VPS13B: variants seen among roughly 807,000 people sequenced by gnomAD.
The protein encoded by VPS13B is vacuolar protein sorting 13 homolog B, also known as intermembrane lipid transfer protein VPS13B.
In VPS13B, 285 loss-of-function variants were observed where a neutral mutation model predicts 426.4. The observed-to-expected ratio is 0.67, with a 90% CI of 0.61 to 0.74. The LOEUF is 0.74. Ranked by LOEUF, VPS13B falls within the 30% of genes least tolerant of loss-of-function variation. The pLI is 0.00. For synonymous variants in VPS13B, 1,676 were observed against 1,676.4 expected (o/e 1.00, Z 0.01); for missense variants, 4,537 against 4,782.6 (o/e 0.95, Z 1.51).
At chr8:99,361,348 T>G (rs1588292258) in intron 19 of VPS13B, among the ~76,000 whole-genome samples, 1 of 152,202 alleles carries the variant, frequency 6.6e-6, no homozygotes, top group South Asian at 2.1e-4. Context: ...ACCAGATAAT[T>G]TTTTAGGCTT....
intron 39 of VPS13B, among the ~76,000 whole-genome samples, chr8:99,759,156 A>G (rs938442350): frequency 7.9e-5 from 12 of 152,118 alleles, no homozygotes; most frequent in African/African-American, 2.7e-4. Flanking sequence ...TACCCAGCCA[A>G]AACCCTACGT....
intron 3 of VPS13B, among the ~76,000 whole-genome samples, chr8:99,052,644 G>A (rs1173339060): frequency 1.3e-5 from 2 of 150,248 alleles, no homozygotes; most frequent in African/African-American, 4.9e-5. Context: ...GAATTCGGCC[G>A]TGAATCCATC....
chr8:99,429,906 A>G (rs988837020), intron 21 of VPS13B, among the ~76,000 whole-genome samples: 113 of 152,298 alleles, frequency 7.4e-4, no homozygotes, highest in African/African-American at 2.6e-3. Flanking sequence ...TGAGCCCTGT[A>G]TGACCTGGTC....
At chr8:99,319,139 A>G (rs1386753942) in intron 19 of VPS13B, among the ~76,000 whole-genome samples, 3 of 152,322 alleles carry the variant, frequency 2.0e-5, no homozygotes, top group East Asian at 3.9e-4. Context: ...TATTTAGAGC[A>G]TAACTAGATT....
At chr8:99,821,680 T>C (rs1263691023) in intron 50 of VPS13B, among the ~76,000 whole-genome samples, 198 bp downstream of exon 50, 1 of 152,230 alleles carries the variant, frequency 6.6e-6, no homozygotes, top group Non-Finnish European at 1.5e-5. Flanking sequence ...ATAAAAGCTG[T>C]GTCACATAAT....
chr8:99,641,527 A>C (rs1829358724), intron 33 of VPS13B, among the ~76,000 whole-genome samples: 1 of 152,166 alleles, frequency 6.6e-6, no homozygotes, highest in South Asian at 2.1e-4. Context: ...GATATATGCT[A>C]TTCTGTATTA....
chr8:99,642,130 A>G lies in VPS13B; in HGVS notation c.5540A>G (p.Lys1847Arg). ...CAGAAGAATAATGAAAAAACAGACA[A>G]GAGTTCATTAAATCTCCCAGAAGTT... ...QEQKNNEKTD[K>R]SSLNLPEVDS... The change falls in exon 34 of 62, where the codon AAG becomes AGG. Residue 1847 changes from lysine to arginine, a missense_variant. This residue lies in a region of VPS13B where 4,311 missense variants were observed against 4,474.3 expected (regional missense o/e 0.96). Transcript: ENST00000357162. 6.2e-7 allele frequency: 1 copy of G among 1,614,192 alleles called. No homozygotes were observed. The highest frequency in any genetic ancestry group is 8.5e-7 in the Non-Finnish European group (1 of 1,180,018).
chr8:99,256,616 C>G (rs750749880), intron 17 of VPS13B, among the ~76,000 whole-genome samples: 2 of 151,900 alleles, frequency 1.3e-5, no homozygotes, highest in Non-Finnish European at 2.9e-5. Flanking sequence ...ATCTCTTTGT[C>G]GTTTTGATTT....
Position 99,861,830 on chromosome 8 carries a change from G to A in VPS13B, c.11099G>A (p.Arg3700Gln), listed in dbSNP as rs750753561. 61 of 1,598,798 alleles carry A rather than the reference G, an allele frequency of 3.8e-5. No individual in the cohort carries two copies. Among genetic ancestry groups the A allele is most frequent in the Non-Finnish European group, 4.8e-5 (56 of 1,173,164 alleles). Residue 3700 changes from arginine to glutamine, a missense_variant, in exon 58 of 62, where the codon CGG (arginine) becomes CAG (glutamine). Arg to Gln is a conservative substitution (Grantham distance 43, BLOSUM62 1). This residue lies in a region of VPS13B where 4,311 missense variants were observed against 4,474.3 expected (regional missense o/e 0.96). Transcript: ENST00000357162. ...LATSLARNMDRLSLDEEHYNR... is the reference protein window; with the variant it reads ...LATSLARNMDQLSLDEEHYNR... ...ACAAGCCTGGCCCGGAACATGGACC[G>A]GCTCTCACTGGATGAGGAGCACTAC...
intron 34 of VPS13B, among the ~76,000 whole-genome samples, chr8:99,647,630 A>T (rs1829641470): frequency 6.6e-6 from 1 of 151,926 alleles, no homozygotes; most frequent in Non-Finnish European, 1.5e-5. Flanking sequence ...CATAGTTCTT[A>T]TGTAACTATA....
chr8:99,301,104 A>T, intron 19 of VPS13B, among the ~76,000 whole-genome samples: 1 of 151,882 alleles, frequency 6.6e-6, no homozygotes, highest in Non-Finnish European at 1.5e-5. Flanking sequence ...AGTCCCAGCT[A>T]CTTGGAAGGC....
At chr8:99,655,211 T>G (rs1008842025) in intron 34 of VPS13B, among the ~76,000 whole-genome samples, 11 of 152,182 alleles carry the variant, frequency 7.2e-5, no homozygotes, top group African/African-American at 2.7e-4. Context: ...GATACAACAC[T>G]GAATACATAA....
chr8:99,849,030 A>G (rs747048453), intron 55 of VPS13B, 136 bp downstream of exon 55: 3 of 859,812 alleles, frequency 3.5e-6, no homozygotes, highest in Non-Finnish European at 3.8e-6. Flanking sequence ...CATAAAAAAT[A>G]TGGTTATTAG....
At chr8:99,094,870 G>T (rs539273209) in intron 3 of VPS13B, among the ~76,000 whole-genome samples, 19 of 151,968 alleles carry the variant, frequency 1.3e-4, no homozygotes, top group Non-Finnish European at 2.1e-4. Context: ...ATGAATTCAT[G>T]GTGCGCAATG....
At chr8:99,494,051 C>T (rs1380797842) in intron 25 of VPS13B, among the ~76,000 whole-genome samples, 1 of 151,960 alleles carries the variant, frequency 6.6e-6, no homozygotes, top group African/African-American at 2.4e-5. Context: ...AACTAATGAA[C>T]ATATAGATGC....
intron 17 of VPS13B, among the ~76,000 whole-genome samples, chr8:99,197,373 A>G (rs1311183172): frequency 6.6e-6 from 1 of 152,176 alleles, no homozygotes; most frequent in African/African-American, 2.4e-5. Flanking sequence ...AGATTTTTGG[A>G]AGAGTTTGAG....
chr8:99,579,756 AGT>A (rs1825961908), intron 33 of VPS13B, among the ~76,000 whole-genome samples: 1 of 148,970 alleles, frequency 6.7e-6, no homozygotes, highest in Non-Finnish European at 1.5e-5. Flanking sequence ...CCCAGACTAG[AGT>A]GCCATCTCAG....
chr8:99,350,074 T>C (rs1256637041), intron 19 of VPS13B, among the ~76,000 whole-genome samples: 1 of 152,188 alleles, frequency 6.6e-6, no homozygotes, highest in Non-Finnish European at 1.5e-5. Flanking sequence ...CAGAAAACTT[T>C]CTTCAATAAG....
At chr8:99,667,444 T>C (rs1830532758) in intron 35 of VPS13B, among the ~76,000 whole-genome samples, 1 of 152,222 alleles carries the variant, frequency 6.6e-6, no homozygotes, top group South Asian at 2.1e-4. Flanking sequence ...GAAAATCAAA[T>C]ATAATATCCA....
Sources: allele counts gnomAD v4.1 joint callset (sites outside exome capture counted in the v4.1 genomes callset), GRCh38; gene constraint gnomAD v4.1.1; regional missense constraint gnomAD v4.1.1; transcripts MANE v1.5; gene names NCBI Gene and HGNC (gene_info 2026-07-23, HGNC 2026-07-21).